Variants in PDGFC observed in about 807,000 individuals in gnomAD.
PDGFC encodes platelet derived growth factor C.
In PDGFC, 12 loss-of-function variants were observed where a neutral mutation model predicts 35.5. The observed-to-expected ratio is 0.34, with a 90% CI of 0.22 to 0.55. The LOEUF is 0.55. PDGFC is among the 20% of genes least tolerant of loss of function. PDGFC has a pLI of 0.91. For missense variants in PDGFC, 322 were observed against 412.4 expected, an observed-to-expected ratio of 0.78 and a Z score of 1.90; for synonymous variants, 159 against 148.8, an observed-to-expected ratio of 1.07 and a Z score of -0.50.
At chr4:156,904,746 A>G (rs1484291162) in intron 1 of PDGFC, among the ~76,000 whole-genome samples, 1 of 152,074 alleles carries the variant, frequency 6.6e-6, no homozygotes. Flanking sequence ...CAACAGGTGC[A>G]TTTAGGTTCA....
At chr4:156,890,392 T>C (rs17231034) in intron 1 of PDGFC, among the ~76,000 whole-genome samples, 1 of 152,180 alleles carries the variant, frequency 6.6e-6, no homozygotes, top group Non-Finnish European at 1.5e-5. Context: ...AATTACTGTG[T>C]ACCTCCTCAT....
chr4:156,770,904 A>G (rs1730677409), intron 4 of PDGFC, among the ~76,000 whole-genome samples: 1 of 152,094 alleles, frequency 6.6e-6, no homozygotes, highest in Admixed American at 6.6e-5. Flanking sequence ...TCTGTGGGAA[A>G]TCTATTTCAA....
chr4:156,907,435 A>G (rs1730940373), intron 1 of PDGFC, among the ~76,000 whole-genome samples: 1 of 152,208 alleles, frequency 6.6e-6, no homozygotes, highest in South Asian at 2.1e-4. Context: ...ACCTGGAGAA[A>G]GGGAACATAA....
chr4:156,966,005 T>C (rs1279486577), intron 1 of PDGFC, among the ~76,000 whole-genome samples: 1 of 152,146 alleles, frequency 6.6e-6, no homozygotes, highest in Admixed American at 6.5e-5. Flanking sequence ...TTGGTCCATT[T>C]GTCTTAGAGG....
At chr4:156,778,942 G>A (rs1054316162) in intron 3 of PDGFC, 18 of 276,052 alleles carry the variant, frequency 6.5e-5, no homozygotes, top group East Asian at 2.7e-4. Flanking sequence ...TTTTATTGTC[G>A]GAGTTAAAAA....
chr4:156,851,657 T>C (rs1729455577), intron 1 of PDGFC, among the ~76,000 whole-genome samples: 2 of 152,128 alleles, frequency 1.3e-5, no homozygotes, highest in East Asian at 3.9e-4. Flanking sequence ...TAAAAATCCA[T>C]GTAAGGACCA....
At chr4:156,963,731 C>T (rs1430482394) in intron 1 of PDGFC, among the ~76,000 whole-genome samples, 2 of 151,962 alleles carry the variant, frequency 1.3e-5, no homozygotes, top group African/African-American at 4.8e-5. Flanking sequence ...ATAAAATTAA[C>T]AAAACTAAAT....
At position 156,951,077 on chromosome 4, in the gene PDGFC, T is replaced by C. The variant is rs183652020; in HGVS notation, c.118+19709A>G. Reference sequence around the variant, plus strand: ...GGTAGATGCTTCTTACACCCTTCTCTTCATTCACTAAACAAATAATGTTAA... The same window carrying C: ...GGTAGATGCTTCTTACACCCTTCTCCTCATTCACTAAACAAATAATGTTAA... On this transcript the variant is annotated intron_variant, in intron 1 of 5. Coordinates refer to ENST00000502773, the MANE Select transcript of PDGFC (RefSeq NM_016205.3). Among the ~76,000 whole-genome samples, 7 of 152,012 alleles carry C rather than the reference T, an allele frequency of 4.6e-5. No homozygotes were observed. In the East Asian group the frequency reaches 1.4e-3, roughly 29 times the overall value.
intron 3 of PDGFC, among the ~76,000 whole-genome samples, chr4:156,800,497 G>A (rs1731571864): frequency 6.6e-6 from 1 of 152,084 alleles, no homozygotes; most frequent in Non-Finnish European, 1.5e-5. Context: ...AAAAGCTCTA[G>A]TTTTAATGTT....
At chr4:156,783,666 T>A (rs1459254759) in intron 3 of PDGFC, among the ~76,000 whole-genome samples, 1 of 152,140 alleles carries the variant, frequency 6.6e-6, no homozygotes, top group Admixed American at 6.6e-5. Flanking sequence ...TACATCAAAT[T>A]GAAATTGTTG....
Position 156,885,156 on chromosome 4 carries a change from TAC to T in PDGFC, c.119-34742_119-34741del, listed in dbSNP as rs36049782. ...ATACTTGTGCATGTATGTGCATACA[TAC>T]ACACACACACACACACACACACACA... On this transcript the variant is annotated intron_variant, in intron 1 of 5. Transcript: ENST00000502773. 5.8e-3 allele frequency among the ~76,000 whole-genome samples: 730 copies of T among 126,604 alleles called. 3 individuals carry two copies. The highest frequency in any genetic ancestry group is 0.017 in the Middle Eastern group (4 of 236). The allele number at this position is 126,604 out of a possible 152,430, so 83.1% of individuals were successfully genotyped here. A position where few individuals can be genotyped will look rare whatever the true frequency, so the allele number is the denominator to read the frequency against.
intron 1 of PDGFC, among the ~76,000 whole-genome samples, chr4:156,915,785 A>T (rs1040419935): frequency 6.6e-6 from 1 of 152,096 alleles, no homozygotes; most frequent in Non-Finnish European, 1.5e-5. Context: ...TGCTTTAATT[A>T]AAAAAAGAAA....
rs562958323 is a variant in PDGFC at position 156,966,273 on chromosome 4, T to G, written c.118+4513A>C. On this transcript the variant is annotated intron_variant, in intron 1 of 5. Coordinates refer to ENST00000502773, the MANE Select transcript of PDGFC (RefSeq NM_016205.3). The stretch of plus-strand genomic sequence containing the variant: ...GAAGCAACAGAGATTGCTTAATAAA[T>G]GAGTTATATAGAGATTACATAGAGT... Among the ~76,000 whole-genome samples, 12 of 152,262 alleles carry G rather than the reference T, an allele frequency of 7.9e-5. No individual in the cohort carries two copies. The East Asian group carries it at 2.3e-3, about 29-fold the overall frequency.
At chr4:156,867,594 T>C (rs1363087950) in intron 1 of PDGFC, among the ~76,000 whole-genome samples, 2 of 152,192 alleles carry the variant, frequency 1.3e-5, no homozygotes, top group Non-Finnish European at 1.5e-5. Flanking sequence ...TCCCACACCC[T>C]GTTGTTACCT....
chr4:156,970,029 C>G (rs1579133979), intron 1 of PDGFC, among the ~76,000 whole-genome samples: 1 of 152,176 alleles, frequency 6.6e-6, no homozygotes. Context: ...AGGAGCCTTT[C>G]TCCAGCTCTG....
At chr4:156,809,475 T>A (rs1731869819) in intron 3 of PDGFC, among the ~76,000 whole-genome samples, 1 of 152,056 alleles carries the variant, frequency 6.6e-6, no homozygotes, top group Admixed American at 6.6e-5. Context: ...CAGTGAATCC[T>A]GTATTAGTTA....
intron 1 of PDGFC, among the ~76,000 whole-genome samples, chr4:156,875,402 C>T (rs1730088823): frequency 6.6e-6 from 1 of 152,078 alleles, no homozygotes; most frequent in East Asian, 1.9e-4. Context: ...CTTCTAGTTA[C>T]AGAGATGGAA....
rs182778341 is a variant in PDGFC, at chr4:156,827,151, C to A, written c.315-16134G>T. On this transcript the variant is annotated intron_variant, in intron 2 of 5. Coordinates refer to ENST00000502773, the MANE Select transcript of PDGFC (RefSeq NM_016205.3). ...AGAACAGATTGGCTGGGCACAGTGGCACACGCCTGAAATTCCAGCACTTTG... is the reference window on the plus strand; with the variant it reads ...AGAACAGATTGGCTGGGCACAGTGGAACACGCCTGAAATTCCAGCACTTTG... Among the ~76,000 whole-genome samples, 430 of 152,262 alleles carry A rather than the reference C, an allele frequency of 2.8e-3. 3 individuals carry two copies. Among genetic ancestry groups the A allele is most frequent in the African/African-American group, 0.01 (423 of 41,546 alleles).
chr4:156,890,779 T>C (rs1331122547), intron 1 of PDGFC, among the ~76,000 whole-genome samples: 1 of 152,196 alleles, frequency 6.6e-6, no homozygotes, highest in Non-Finnish European at 1.5e-5. Flanking sequence ...TACATGTGAA[T>C]ATTGGTAAGG....
Sources: allele counts gnomAD v4.1 joint callset (sites outside exome capture counted in the v4.1 genomes callset), GRCh38; gene constraint gnomAD v4.1.1; transcripts MANE v1.5; gene names NCBI Gene and HGNC (gene_info 2026-07-23, HGNC 2026-07-21).